Variants in PAPLN observed in about 807,000 individuals in gnomAD.
PAPLN encodes the protein papilin.
In PAPLN, 146 loss-of-function variants were observed where a neutral mutation model predicts 159.0. The observed-to-expected ratio is 0.92, with a 90% CI of 0.80 to 1.05. PAPLN has a LOEUF of 1.05. Among genes scored for constraint, PAPLN ranks in the 50% least tolerant of loss-of-function variants. The pLI is 0.00. For missense variants in PAPLN, 1,720 were observed against 1,743.9 expected, an observed-to-expected ratio of 0.99 and a Z score of 0.24; for synonymous variants, 734 against 702.9, an observed-to-expected ratio of 1.04 and a Z score of -0.70.
chr14:73,249,635 C>T (rs1413407272), intron 5 of PAPLN: 3 of 143,018 alleles, frequency 2.1e-5, no homozygotes, highest in African/African-American at 8.1e-5. Flanking sequence ...GATCGTGCCA[C>T]TGCACTCCAG....
chr14:73,263,887 G>A, intron 20 of PAPLN, 105 bp downstream of exon 20: 1 of 1,278,938 alleles, frequency 7.8e-7, no homozygotes, highest in Non-Finnish European at 1.1e-6. Flanking sequence ...AGGTGTGACA[G>A]ACCCCCTCCT....
At chr14:73,269,074 G>A (rs1287846085) in intron 26 of PAPLN, among the ~76,000 whole-genome samples, 1 of 152,108 alleles carries the variant, frequency 6.6e-6, no homozygotes, top group African/African-American at 2.4e-5. Context: ...TAAAACTTAA[G>A]GCAGACCACT....
Position 73,274,118 on chromosome 14 carries a change from TGTCA to T in PAPLN, c.*1459_*1462del, listed in dbSNP as rs1887962410. On this transcript the variant is annotated 3_prime_UTR_variant, in exon 27 of 27. Transcript: ENST00000644200. ...GTTTGCTGCCAAAGACAAATCAGACTGTCAGTCATTAAAAACAGCATTAGCAGGA... is the reference window on the plus strand; with the variant it reads ...GTTTGCTGCCAAAGACAAATCAGACTGTCATTAAAAACAGCATTAGCAGGA... 1 of 152,232 alleles carries T rather than the reference TGTCA, an allele frequency of 6.6e-6. No homozygotes were observed. Among genetic ancestry groups the T allele is most frequent in the African/African-American group, 2.4e-5 (1 of 41,432 alleles). 9.4% of individuals were successfully genotyped at this position (152,232 alleles called of 1,614,324 possible). A position where few individuals can be genotyped will look rare whatever the true frequency, so the allele number is the denominator to read the frequency against.
chr14:73,258,985 C>G lies in PAPLN; in HGVS notation c.1634C>G (p.Pro545Arg). 4.3e-6 allele frequency: 7 copies of G among 1,610,910 alleles called. No homozygotes were observed. Among genetic ancestry groups the G allele is most frequent in the Non-Finnish European group, 5.9e-6 (7 of 1,178,578 alleles). Reference sequence around the variant, plus strand: ...ACCTCCCGGCTCCCTGCAGAGGTCCCCAGCATGCAGGATGTGCACACCCCT... The same window carrying G: ...ACCTCCCGGCTCCCTGCAGAGGTCCGCAGCATGCAGGATGTGCACACCCCT... ...TQPCHLPQEV[P>R]SMQDVHTPAS... The change falls in exon 15 of 27, where the codon CCC (proline) becomes CGC (arginine). Residue 545 changes from proline to arginine, a missense_variant. Physicochemically the swap from Pro to Arg is moderately radical, Grantham distance 103. Coordinates refer to ENST00000644200, the MANE Select transcript of PAPLN (RefSeq NM_001365906.3).
intron 25 of PAPLN, 121 bp from the exon 26 acceptor site, chr14:73,268,436 C>T (rs753919257): frequency 1.1e-4 from 112 of 1,019,788 alleles, no homozygotes; most frequent in Non-Finnish European, 1.5e-4. Flanking sequence ...CTGTCCTCCA[C>T]CTGTTTGCTC....
At position 73,245,114 on chromosome 14, in the gene PAPLN, C is replaced by T. The variant is rs1884059732; in HGVS notation, c.170+355C>T. ...TTTCTTTACCGAGTACAGATGTTCC[C>T]CACTTCAAGCGATTTATTAAATGCT... On this transcript the variant is annotated intron_variant, in intron 3 of 26. Transcript: ENST00000644200. The surrounding 1 kb of genome is among the most constrained non-coding windows in gnomAD (Gnocchi z 4.2). 9.1e-6 allele frequency: 2 copies of T among 219,074 alleles called. No homozygotes were observed. Among genetic ancestry groups the T allele is most frequent in the South Asian group, 1.6e-4 (2 of 12,700 alleles). 13.6% of individuals were successfully genotyped at this position (219,074 alleles called of 1,614,324 possible).
intron 2 of PAPLN, among the ~76,000 whole-genome samples, chr14:73,241,121 A>G (rs1594772481): frequency 6.6e-6 from 1 of 152,088 alleles, no homozygotes; most frequent in East Asian, 1.9e-4. Context: ...TTCTCCCACT[A>G]GAAGTGGATC....
At chr14:73,260,590 TC>T (rs942431789) in intron 16 of PAPLN, 118 bp from the exon 17 acceptor site, 28 of 1,277,876 alleles carry the variant, frequency 2.2e-5, no homozygotes, top group South Asian at 8.4e-5. Flanking sequence ...ACACGTCCTC[TC>T]CCCCCCAGGT....
At position 73,264,262 on chromosome 14, in the gene PAPLN, G is replaced by A. The variant is rs753898574; in HGVS notation, c.2913G>A (p.Glu971=). Residue 971 remains glutamate, a synonymous_variant, in exon 21 of 27, where the codon GAG becomes GAA. Transcript: ENST00000644200. ...TGATCATCCACCCCCTGCAGGCAGA[G>A]GACGCGGGCACCTACAGCTGTGGCA... ...GSLIIHPLQA[E]DAGTYSCGST... is the part of the protein sequence containing the mutation. 34 of 1,613,908 alleles carry A rather than the reference G, an allele frequency of 2.1e-5. No homozygotes were observed. Among genetic ancestry groups the A allele is most frequent in the Non-Finnish European group, 2.5e-5 (30 of 1,180,038 alleles).
At chr14:73,258,618 T>TTAAAAAAAAAAAAAAAAAAAAAAA (rs1886187433) in intron 14 of PAPLN, among the ~76,000 whole-genome samples, 1 of 75,788 alleles carries the variant, frequency 1.3e-5, no homozygotes, top group African/African-American at 5.3e-5. Context: ...ACCCTATCTC[T>TTAAAAAAAAAAAAAAAAAAAAAAA]AAAAAAAAAA....
chr14:73,261,194 G>A lies in PAPLN; in HGVS notation c.2145G>A (p.Glu715=), dbSNP rs974796494. The A allele has an allele frequency of 3.7e-6, 6 of 1,613,988 alleles. No individual in the cohort carries two copies. The highest frequency in any genetic ancestry group is 3.3e-5 in the Admixed American group (2 of 60,008). The change falls in exon 18 of 27, where the codon GAG becomes GAA. Residue 715 remains glutamate (E), a synonymous_variant. Transcript: ENST00000644200. The stretch of plus-strand genomic sequence containing the variant: ...ACCAGCCCCAGGCCCAGCAGAATGA[G>A]CCCAGTGAGTGCCGGGGCTCCCAGT... ...NTHQPQAQQN[E]PSECRGSQFG... is the part of the protein sequence containing the mutation.
At position 73,265,850 on chromosome 14, in the gene PAPLN, C is replaced by T. The variant is rs375796432; in HGVS notation, c.3263+343C>T. Among the ~76,000 whole-genome samples the T allele has an allele frequency of 1.8e-4, 27 of 152,290 alleles. No homozygotes were observed. The highest frequency in any genetic ancestry group is 3.4e-3 in the Middle Eastern group (1 of 294). ...TGAGTATGAGGCTTGTGCTCTATCA[C>T]GTGACCTGCAAAAAAGCCATATTGA... On this transcript the variant is annotated intron_variant, in intron 23 of 26. Transcript: ENST00000644200. The surrounding 1 kb of genome is among the most constrained non-coding windows in gnomAD (Gnocchi z 4.1).
Position 73,254,991 on chromosome 14 carries a change from A to G in PAPLN, c.1600A>G (p.Asn534Asp). The change falls in exon 14 of 27, where the codon AAC becomes GAC. Residue 534 changes from asparagine to aspartate, a missense_variant. Coordinates refer to ENST00000644200, the MANE Select transcript of PAPLN (RefSeq NM_001365906.3). ...CAAGCCTGTGGATGTGGAGCCTTGT[A>G]ACACGCAGCCCTGTCATCTCCCCCA... The part of the protein sequence containing the change: ...HSKPVDVEPC[N>D]TQPCHLPQEV... 2 of 1,613,662 alleles carry G rather than the reference A, an allele frequency of 1.2e-6. No homozygotes were observed. The highest frequency in any genetic ancestry group is 1.7e-6 in the Non-Finnish European group (2 of 1,179,928).
intron 19 of PAPLN, 135 bp downstream of exon 19, chr14:73,262,962 G>T (rs1014723664): frequency 2.4e-6 from 2 of 823,256 alleles, no homozygotes; most frequent in South Asian, 7.6e-5. Context: ...GCCCTGCCTG[G>T]TGGGCCTTGT....
At chr14:73,248,107 G>GTGCGCGCGCA (rs1555361127) in intron 5 of PAPLN, among the ~76,000 whole-genome samples, 4 of 74,722 alleles carry the variant, frequency 5.4e-5, no homozygotes, top group Admixed American at 3.6e-4. Context: ...GTGTGTGTGT[G>GTGCGCGCGCA]CGCGTGTGTG....
chr14:73,241,838 G>A (rs948425302), intron 2 of PAPLN, among the ~76,000 whole-genome samples: 5 of 152,264 alleles, frequency 3.3e-5, no homozygotes, highest in Admixed American at 6.5e-5. Flanking sequence ...GTCTGCACAC[G>A]GGTGTGCATG....
Position 73,262,766 on chromosome 14 carries a change from GC to G in PAPLN, c.2666del (p.Pro889LeufsTer75), listed in dbSNP as rs1304154370. ...WPWGQELGSR[A>X]PGLGGDAGSP... ...ATGGGGGCAGGAGCTTGGGTCCAGG[GC>G]CCCTGGACTGGGTGGAGATGCCGGA... On this transcript the variant is annotated frameshift_variant, in exon 19 of 27. Coordinates refer to ENST00000644200, the MANE Select transcript of PAPLN (RefSeq NM_001365906.3). LOFTEE classifies it high-confidence loss of function. The G allele has an allele frequency of 2.0e-6, 3 of 1,509,322 alleles. No homozygotes were observed. The highest frequency in any genetic ancestry group is 2.6e-6 in the Non-Finnish European group (3 of 1,134,254). The allele number at this position is 1,509,322 out of a possible 1,614,324, so 93.5% of individuals were successfully genotyped here. A position where few individuals can be genotyped will look rare whatever the true frequency, so the allele number is the denominator to read the frequency against.
rs372681417 is a variant in PAPLN at position 73,239,790 on chromosome 14, C to T, written c.12C>T (p.Leu4=). 23 of 1,593,766 alleles carry T rather than the reference C, an allele frequency of 1.4e-5. No homozygotes were observed. Among genetic ancestry groups the T allele is most frequent in the Middle Eastern group, 1.7e-4 (1 of 5,776 alleles). The stretch of plus-strand genomic sequence containing the variant: ...TCCCGCAGGCTGAGATGCGGCTGCT[C>T]CTGCTCGTGCCGCTGCTGCTGGCTC... MRL[L]LLVPLLLAPA... Residue 4 remains leucine (L), a synonymous_variant, in exon 2 of 27, where the codon CTC becomes CTT. Transcript: ENST00000644200.
rs1357533855 is a variant in PAPLN at position 73,250,925 on chromosome 14, G to A, written c.484G>A (p.Glu162Lys). 3 of 1,613,186 alleles carry A rather than the reference G, an allele frequency of 1.9e-6. No individual in the cohort carries two copies. The highest frequency in any genetic ancestry group is 2.2e-5 in the East Asian group (1 of 44,834). Residue 162 changes from glutamate to lysine, a missense_variant, in exon 7 of 27, where the codon GAG becomes AAG. Glu to Lys is a moderately conservative substitution (Grantham distance 56). Transcript: ENST00000644200. Reference sequence around the variant, plus strand: ...CCCACAGGTTGTCGGCTGTGATCACGAGCTGGACTCGTCCAAGCAGGAGGA... The same window carrying A: ...CCCACAGGTTGTCGGCTGTGATCACAAGCTGGACTCGTCCAAGCAGGAGGA... Reference protein sequence around the residue: ...GSCRVVGCDHELDSSKQEDKC... With the variant: ...GSCRVVGCDHKLDSSKQEDKC...
Sources: gnomAD v4.1 joint callset for allele counts (sites outside exome capture counted in the v4.1 genomes callset) on GRCh38, gnomAD v4.1.1 for gene constraint, Gnocchi (gnomAD v3.1) non-coding constraint, MANE v1.5 for transcripts, NCBI Gene and HGNC (gene_info 2026-07-23, HGNC 2026-07-21) for gene names.